Variants in OPHN1 observed in about 807,000 individuals in gnomAD.
The protein encoded by OPHN1 is oligophrenin 1.
OPHN1 carries 11 observed loss-of-function variants against 60.7 expected under a neutral mutation model. The ratio of observed to expected loss-of-function variants is 0.18; its 90% CI spans 0.11 to 0.30. OPHN1 has a LOEUF of 0.30. OPHN1 is among the 10% of genes least tolerant of loss of function. The pLI is 1.00. For missense variants in OPHN1, 449 were observed against 611.0 expected (o/e 0.73, Z 2.80); for synonymous variants, 226 against 222.6 (o/e 1.02, Z -0.14).
chrX:68,138,805 A>G (rs186355303), intron 15 of OPHN1, among the ~76,000 whole-genome samples: 1 of 112,170 alleles, frequency 8.9e-6, no homozygotes, highest in Admixed American at 9.5e-5. Context: ...GGACTTGCCC[A>G]AGGTCATACA....
At chrX:68,137,610 T>A (rs935791861) in intron 15 of OPHN1, among the ~76,000 whole-genome samples, 3 of 111,741 alleles carry the variant, frequency 2.7e-5, no homozygotes, top group Non-Finnish European at 3.8e-5. Context: ...AGAACGGACA[T>A]CTTGTAAAGG....
intron 2 of OPHN1, among the ~76,000 whole-genome samples, chrX:68,400,077 A>C (rs777569708): frequency 9.1e-6 from 1 of 110,195 alleles, no homozygotes; most frequent in African/African-American, 3.3e-5. Flanking sequence ...AATCAGACTG[A>C]CTCTGGGCTA....
intron 15 of OPHN1, among the ~76,000 whole-genome samples, chrX:68,169,704 G>A (rs1363394716): frequency 9.1e-6 from 1 of 109,336 alleles, no homozygotes; most frequent in Non-Finnish European, 1.9e-5. Context: ...TTAATAAATG[G>A]TGCTGGGAAA....
At chrX:68,199,364 G>A (rs1036712956) in intron 11 of OPHN1, among the ~76,000 whole-genome samples, 3 of 111,220 alleles carry the variant, frequency 2.7e-5, no homozygotes, top group Non-Finnish European at 5.7e-5. Context: ...AGCCAGATAT[G>A]GTGGTGCACA....
chrX:68,220,303 A>C (rs1475429134), intron 6 of OPHN1, among the ~76,000 whole-genome samples: 1 of 109,015 alleles, frequency 9.2e-6, no homozygotes, highest in African/African-American at 3.3e-5. Context: ...CTTAGCAACC[A>C]AAAAGAGTCC....
intron 18 of OPHN1, among the ~76,000 whole-genome samples, chrX:68,100,241 C>T (rs1223747294): frequency 3.6e-5 from 4 of 110,581 alleles, no homozygotes; most frequent in African/African-American, 1.3e-4. Flanking sequence ...GCTTGCCTTT[C>T]CCACCCTATA....
intron 2 of OPHN1, among the ~76,000 whole-genome samples, chrX:68,397,040 T>G (rs921930430): frequency 3.6e-5 from 4 of 111,048 alleles, no homozygotes; most frequent in Non-Finnish European, 7.5e-5. Flanking sequence ...AACTGCCTCC[T>G]GATTGCAAGC....
At chrX:68,259,603 A>G (rs1307522885) in intron 5 of OPHN1, among the ~76,000 whole-genome samples, 1 of 111,866 alleles carries the variant, frequency 8.9e-6, no homozygotes, top group Non-Finnish European at 1.9e-5. Context: ...TGAGCATTTT[A>G]CACATAATAA....
intron 15 of OPHN1, among the ~76,000 whole-genome samples, chrX:68,182,188 GTTTTTTTT>G (rs397951860): frequency 2.2e-4 from 10 of 46,133 alleles, no homozygotes; most frequent in Non-Finnish European, 3.0e-4. Context: ...AAGCTCTGTA[GTTTTTTTT>G]TTTTTTTTTT....
At chrX:68,260,685 C>T (rs901448175) in intron 5 of OPHN1, among the ~76,000 whole-genome samples, 2 of 111,902 alleles carry the variant, frequency 1.8e-5, no homozygotes, top group African/African-American at 6.5e-5. Flanking sequence ...ATGTTTGCTA[C>T]AGACTTGGAA....
intron 16 of OPHN1, among the ~76,000 whole-genome samples, chrX:68,114,857 T>C (rs2077120856): frequency 9.0e-6 from 1 of 110,994 alleles, no homozygotes; most frequent in South Asian, 3.9e-4. Context: ...AAGGGAGCAG[T>C]TTGGTTTGGG....
At chrX:68,335,198 C>G (rs776390544) in intron 2 of OPHN1, among the ~76,000 whole-genome samples, 6 of 107,552 alleles carry the variant, frequency 5.6e-5, no homozygotes, top group Non-Finnish European at 1.9e-5. Context: ...GGGTGCTCAA[C>G]GAAGATACGT....
At chrX:68,119,601 T>A (rs2077141858) in intron 15 of OPHN1, among the ~76,000 whole-genome samples, 1 of 111,363 alleles carries the variant, frequency 9.0e-6, no homozygotes, top group Admixed American at 9.5e-5. Flanking sequence ...ATAACTGGGG[T>A]CATAGGGTAA....
chrX:68,062,582 G>C (rs951062074), intron 21 of OPHN1, among the ~76,000 whole-genome samples: 16 of 112,435 alleles, frequency 1.4e-4, no homozygotes, highest in Admixed American at 1.4e-3. Flanking sequence ...CAAGAGGACA[G>C]GGACTTCATA....
At chrX:68,281,410 T>A (rs945248903) in intron 4 of OPHN1, among the ~76,000 whole-genome samples, 2 of 112,061 alleles carry the variant, frequency 1.8e-5, no homozygotes, top group African/African-American at 6.5e-5. Context: ...ATATCCTTCA[T>A]AAAAATTAAT....
chrX:68,073,652 C>A (rs1231757808), intron 19 of OPHN1, among the ~76,000 whole-genome samples: 2 of 111,907 alleles, frequency 1.8e-5, no homozygotes, highest in East Asian at 5.7e-4. Context: ...GACAGCATCA[C>A]CCACTTCACA....
At chrX:68,405,072 T>C (rs942263966) in intron 2 of OPHN1, among the ~76,000 whole-genome samples, 2 of 111,996 alleles carry the variant, frequency 1.8e-5, no homozygotes, top group Non-Finnish European at 3.8e-5. Flanking sequence ...GTTATGTGTT[T>C]TTTCACCACA....
intron 2 of OPHN1, among the ~76,000 whole-genome samples, chrX:68,310,525 T>C (rs1412830614): frequency 3.6e-5 from 4 of 109,596 alleles, no homozygotes; most frequent in East Asian, 2.9e-4. Flanking sequence ...AACTTCACAG[T>C]TGAAAATTAT....
intron 21 of OPHN1, among the ~76,000 whole-genome samples, chrX:68,063,215 A>G (rs1245331329): frequency 9.0e-6 from 1 of 111,089 alleles, no homozygotes; most frequent in Non-Finnish European, 1.9e-5. Flanking sequence ...CAAACAAAAA[A>G]AAAAACAGGA....
Sources: gnomAD v4.1 joint callset for allele counts (sites outside exome capture counted in the v4.1 genomes callset) on GRCh38, gnomAD v4.1.1 for gene constraint, MANE v1.5 for transcripts, NCBI Gene and HGNC (gene_info 2026-07-23, HGNC 2026-07-21) for gene names.